The following DPP10 variants were observed in gnomAD, a reference collection of about 807,000 sequenced individuals.
DPP10 encodes dipeptidyl peptidase like 10.
A neutral mutation model predicts 120.9 loss-of-function variants in DPP10; 33 were observed. That is an observed-to-expected ratio of 0.27 (90% CI 0.21 to 0.37). The LOEUF (loss-of-function observed/expected upper bound fraction) is 0.37. Ranked by LOEUF, DPP10 falls within the 10% of genes least tolerant of loss-of-function variation. DPP10 has a pLI of 1.00. For synonymous variants in DPP10, 337 were observed against 326.1 expected, an observed-to-expected ratio of 1.03 and a Z score of -0.36; for missense variants, 816 against 942.8, an observed-to-expected ratio of 0.87 and a Z score of 1.76.
Position 115,408,984 on chromosome 2 carries a change from A to C in DPP10, c.271+65072A>C, listed in dbSNP as rs1045712977. On this transcript the variant is annotated intron_variant, in intron 3 of 25. Coordinates refer to ENST00000410059, the MANE Select transcript of DPP10 (RefSeq NM_020868.6). ...GAGTGAAAAGAATGAAAAAGAAAGT[A>C]GAAAAGGAGAAAAACAGTAACTAAA... Among the ~76,000 whole-genome samples the C allele has an allele frequency of 3.9e-5, 6 of 152,232 alleles. 1 individual carries two copies. The East Asian group carries it at 7.7e-4, about 20-fold the overall frequency.
At chr2:115,663,192 A>C (rs568520927) in intron 5 of DPP10, among the ~76,000 whole-genome samples, 2 of 152,286 alleles carry the variant, frequency 1.3e-5, no homozygotes, top group East Asian at 3.9e-4. Context: ...AAAAAAATGC[A>C]ATGTTTTAAA....
At chr2:115,641,770 G>C (rs556660047) in intron 5 of DPP10, among the ~76,000 whole-genome samples, 4 of 149,578 alleles carry the variant, frequency 2.7e-5, no homozygotes, top group African/African-American at 1.0e-4. Flanking sequence ...AATTATATTT[G>C]ACATTTGGTA....
intron 1 of DPP10, among the ~76,000 whole-genome samples, chr2:114,517,521 CAAA>C (rs70937285): frequency 9.7e-5 from 12 of 123,942 alleles, no homozygotes; most frequent in South Asian, 5.2e-4. Context: ...GACTCCGTCT[CAAA>C]AAAAAAAAAA....
chr2:114,625,350 T>G (rs555623062), intron 1 of DPP10, among the ~76,000 whole-genome samples: 2 of 152,106 alleles, frequency 1.3e-5, no homozygotes, highest in African/African-American at 2.4e-5. Flanking sequence ...CAAAGTTAGA[T>G]ATGTCTTTTT....
chr2:114,548,856 G>C (rs1200166395), intron 1 of DPP10, among the ~76,000 whole-genome samples: 1 of 152,058 alleles, frequency 6.6e-6, no homozygotes, highest in African/African-American at 2.4e-5. Context: ...ACACACATAC[G>C]AAAGCTGACT....
rs116974663 is a variant in DPP10 at position 115,830,785 on chromosome 2, A to G, written c.1951-5372A>G. On this transcript the variant is annotated intron_variant, in intron 21 of 25. Coordinates refer to ENST00000410059, the MANE Select transcript of DPP10 (RefSeq NM_020868.6). ...GATCATGTTTGAACTAAGAGAAGGC[A>G]ATGTAAGGAGATAAGAACTATGGAT... Among the ~76,000 whole-genome samples, 528 of 152,316 alleles carry G rather than the reference A, an allele frequency of 3.5e-3. 27 individuals are homozygous for G. The East Asian group carries it at 0.085, about 24-fold the overall frequency.
intron 13 of DPP10, 101 bp downstream of exon 13, chr2:115,768,505 C>A: frequency 2.1e-6 from 2 of 968,360 alleles, no homozygotes; most frequent in South Asian, 1.6e-5. Context: ...GGTGGTGAAA[C>A]CCAGCCATAT....
intron 5 of DPP10, among the ~76,000 whole-genome samples, chr2:115,618,496 G>C (rs1028202951): frequency 2.0e-5 from 3 of 152,122 alleles, no homozygotes; most frequent in Non-Finnish European, 4.4e-5. Context: ...TGAACAATTT[G>C]GCACTTCCCA....
intron 1 of DPP10, among the ~76,000 whole-genome samples, chr2:114,618,088 A>G (rs1334466910): frequency 3.9e-5 from 6 of 152,100 alleles, no homozygotes; most frequent in South Asian, 4.1e-4. Context: ...TGGGCCAAAT[A>G]TATTTAGAAA....
chr2:114,827,500 C>A (rs1462737373), intron 1 of DPP10, among the ~76,000 whole-genome samples: 2 of 152,128 alleles, frequency 1.3e-5, no homozygotes, highest in African/African-American at 4.8e-5. Context: ...AAGCCACCAA[C>A]TACTTAATAA....
At chr2:114,516,169 G>T (rs1684581942) in intron 1 of DPP10, among the ~76,000 whole-genome samples, 1 of 152,166 alleles carries the variant, frequency 6.6e-6, no homozygotes, top group African/African-American at 2.4e-5. Flanking sequence ...TAGAACAACT[G>T]TTCTAGAAAG....
At position 114,826,625 on chromosome 2, in the gene DPP10, G is replaced by C. The variant is rs551148606; in HGVS notation, c.60+383787G>C. Among the ~76,000 whole-genome samples the C allele has an allele frequency of 2.3e-3, 348 of 152,222 alleles. 1 individual carries two copies. Among genetic ancestry groups the C allele is most frequent in the African/African-American group, 8.0e-3 (332 of 41,546 alleles). On this transcript the variant is annotated intron_variant, in intron 1 of 25. Coordinates refer to ENST00000410059, the MANE Select transcript of DPP10 (RefSeq NM_020868.6). The stretch of plus-strand genomic sequence containing the variant: ...AGCTCCCTGCAACCTCCGCCTCCCA[G>C]GTTCAAGTGATTCTTCTGCCTCAGC...
intron 7 of DPP10, among the ~76,000 whole-genome samples, chr2:115,717,883 G>A (rs936096258): frequency 1.3e-5 from 2 of 152,052 alleles, no homozygotes; most frequent in Admixed American, 6.6e-5. Context: ...CATGACCTAA[G>A]GATATTTTAT....
At chr2:115,562,965 G>A (rs568621321) in intron 5 of DPP10, among the ~76,000 whole-genome samples, 1 of 152,134 alleles carries the variant, frequency 6.6e-6, no homozygotes, top group Admixed American at 6.5e-5. Flanking sequence ...GAAGCCAGTT[G>A]GCTATCTTTC....
chr2:114,935,772 GATCT>G (rs1263053044), intron 1 of DPP10, among the ~76,000 whole-genome samples: 4 of 151,916 alleles, frequency 2.6e-5, no homozygotes, highest in Admixed American at 2.6e-4. Flanking sequence ...ATGGCCTGAG[GATCT>G]ATCTTTTAAA....
chr2:115,387,806 A>C (rs2067050758), intron 3 of DPP10, among the ~76,000 whole-genome samples: 1 of 152,220 alleles, frequency 6.6e-6, no homozygotes, highest in South Asian at 2.1e-4. Flanking sequence ...TGAGCTAATG[A>C]AGCTCACATT....
intron 3 of DPP10, among the ~76,000 whole-genome samples, chr2:115,399,047 T>C (rs1187069910): frequency 6.6e-6 from 1 of 152,110 alleles, no homozygotes; most frequent in East Asian, 1.9e-4. Context: ...TGATTATGCA[T>C]AAAATAATTT....
chr2:115,684,741 C>G (rs1228127153), intron 5 of DPP10, among the ~76,000 whole-genome samples: 1 of 151,802 alleles, frequency 6.6e-6, no homozygotes. Context: ...TGACACGAAT[C>G]CCCATAGGTG....
At chr2:115,753,896 T>C (rs925260550) in intron 11 of DPP10, among the ~76,000 whole-genome samples, 8 of 152,162 alleles carry the variant, frequency 5.3e-5, no homozygotes, top group African/African-American at 1.9e-4. Flanking sequence ...GTTATGTGTA[T>C]GGTATTTGGG....
Sources: gnomAD v4.1 joint callset for allele counts (sites outside exome capture counted in the v4.1 genomes callset) on GRCh38, gnomAD v4.1.1 for gene constraint, MANE v1.5 for transcripts, NCBI Gene and HGNC (gene_info 2026-07-23, HGNC 2026-07-21) for gene names.